The following CSMD1 variants were observed in gnomAD, a reference collection of about 807,000 sequenced individuals.
CSMD1 encodes the protein CUB and Sushi multiple domains 1.
Under a neutral mutation model 417.5 loss-of-function variants are expected in CSMD1, and 213 were observed. The ratio of observed to expected loss-of-function variants is 0.51; its 90% CI spans 0.46 to 0.57. The LOEUF is 0.57. Ranked by LOEUF, CSMD1 falls within the 20% of genes least tolerant of loss-of-function variation. The pLI is 0.00. For missense variants in CSMD1, 6,923 were observed against 4,529.7 expected (o/e 1.53, Z -15.17); for synonymous variants, 2,862 against 1,736.8 (o/e 1.65, Z -16.11).
At chr8:4,082,405 A>C (rs999927114) in intron 3 of CSMD1, among the ~76,000 whole-genome samples, 1 of 152,170 alleles carries the variant, frequency 6.6e-6, no homozygotes, top group Non-Finnish European at 1.5e-5. Context: ...CAACTACAAC[A>C]AAACCCAGTA....
At chr8:4,908,290 T>C (rs1805433170) in intron 1 of CSMD1, among the ~76,000 whole-genome samples, 1 of 152,220 alleles carries the variant, frequency 6.6e-6, no homozygotes, top group Non-Finnish European at 1.5e-5. Flanking sequence ...AGGTTTCCTT[T>C]ATCTCTGGTT....
At chr8:3,370,783 T>C (rs1181270267) in intron 18 of CSMD1, among the ~76,000 whole-genome samples, 1 of 152,198 alleles carries the variant, frequency 6.6e-6, no homozygotes, top group African/African-American at 2.4e-5. Flanking sequence ...CAGACCAGCC[T>C]GGCCAGCATG....
At chr8:3,994,164 T>C (rs993172528) in intron 5 of CSMD1, among the ~76,000 whole-genome samples, 10 of 152,170 alleles carry the variant, frequency 6.6e-5, no homozygotes, top group Non-Finnish European at 5.9e-5. Flanking sequence ...ACATTTTCAA[T>C]GCATTTATTT....
Position 3,603,464 on chromosome 8 carries a change from C to G in CSMD1, c.1097+13246G>C, listed in dbSNP as rs77454730. The stretch of plus-strand genomic sequence containing the variant: ...GACAAACCTGGACTGAGCGCCCAAT[C>G]CCACTTTGTCCTCCTTCACCTTACT... On this transcript the variant is annotated intron_variant, in intron 8 of 69. Transcript: ENST00000635120. Among the ~76,000 whole-genome samples the G allele has an allele frequency of 3.5e-4, 53 of 152,256 alleles. 1 individual carries two copies. The East Asian group carries it at 9.1e-3, about 26-fold the overall frequency.
chr8:4,104,579 GAATT>G (rs1409376967), intron 3 of CSMD1, among the ~76,000 whole-genome samples: 1 of 149,192 alleles, frequency 6.7e-6, no homozygotes, highest in African/African-American at 2.4e-5. Context: ...GTAAATAAAT[GAATT>G]AATAATTGCA....
chr8:3,449,214 T>C (rs767332769), intron 12 of CSMD1, among the ~76,000 whole-genome samples: 54 of 152,340 alleles, frequency 3.5e-4, no homozygotes, highest in Middle Eastern at 6.8e-3. Context: ...CAAAATAGCA[T>C]AAACCTGAAG....
At chr8:4,023,820 T>C (rs555855993) in intron 4 of CSMD1, among the ~76,000 whole-genome samples, 2 of 144,638 alleles carry the variant, frequency 1.4e-5, no homozygotes, top group South Asian at 4.5e-4. Context: ...GGTTTCAGCA[T>C]GTTAGCCAGG....
intron 54 of CSMD1, among the ~76,000 whole-genome samples, chr8:2,996,701 G>A (rs1181111632): frequency 6.6e-6 from 1 of 152,236 alleles, no homozygotes; most frequent in Non-Finnish European, 1.5e-5. Context: ...ATGCTAGAAT[G>A]AGAACACAGC....
At chr8:4,942,718 G>C (rs1431169405) in intron 1 of CSMD1, among the ~76,000 whole-genome samples, 1 of 152,094 alleles carries the variant, frequency 6.6e-6, no homozygotes, top group Non-Finnish European at 1.5e-5. Flanking sequence ...AGAATCAGTG[G>C]AGAATCCAAT....
chr8:4,950,025 C>T (rs1309255259), intron 1 of CSMD1, among the ~76,000 whole-genome samples: 1 of 151,954 alleles, frequency 6.6e-6, no homozygotes, highest in Non-Finnish European at 1.5e-5. Context: ...AAGCAAAACA[C>T]CTTGATGAAT....
intron 1 of CSMD1, among the ~76,000 whole-genome samples, chr8:4,831,320 G>C (rs926868697): frequency 5.9e-5 from 9 of 152,114 alleles, no homozygotes; most frequent in African/African-American, 2.2e-4. Context: ...CTTCTTCCTA[G>C]TGCTTCAGCA....
intron 5 of CSMD1, among the ~76,000 whole-genome samples, chr8:3,878,488 G>T (rs1464982331): frequency 6.6e-6 from 1 of 151,974 alleles, no homozygotes; most frequent in Non-Finnish European, 1.5e-5. Flanking sequence ...TAACTAAGTA[G>T]AACACAAGCT....
intron 3 of CSMD1, among the ~76,000 whole-genome samples, chr8:4,068,210 T>A (rs1799358279): frequency 2.0e-5 from 3 of 152,108 alleles, no homozygotes; most frequent in Admixed American, 2.0e-4. Context: ...AAATCTTCCG[T>A]GCAGTGTTAA....
intron 1 of CSMD1, among the ~76,000 whole-genome samples, chr8:4,700,127 G>A (rs1480371532): frequency 1.3e-5 from 2 of 151,210 alleles, no homozygotes; most frequent in African/African-American, 4.9e-5. Context: ...TGAACTTTTT[G>A]TTTAATTTTT....
chr8:3,000,189 C>T (rs1463925505), intron 52 of CSMD1, 58 bp from the exon 53 acceptor site: 4 of 1,269,788 alleles, frequency 3.2e-6, no homozygotes, highest in African/African-American at 1.5e-5. Flanking sequence ...AAAAGTAGTA[C>T]ATTCACAACT....
intron 3 of CSMD1, among the ~76,000 whole-genome samples, chr8:4,373,077 C>G (rs1802496247): frequency 6.6e-6 from 1 of 152,146 alleles, no homozygotes; most frequent in Non-Finnish European, 1.5e-5. Flanking sequence ...GACAGTTTAC[C>G]TGTGTGGTCT....
chr8:3,356,324 A>C (rs1287953765), intron 21 of CSMD1, among the ~76,000 whole-genome samples: 1 of 152,236 alleles, frequency 6.6e-6, no homozygotes, highest in African/African-American at 2.4e-5. Context: ...CACAGAACTT[A>C]GGGATGAGGC....
intron 2 of CSMD1, among the ~76,000 whole-genome samples, chr8:4,430,964 T>A (rs1797838667): frequency 6.6e-6 from 1 of 152,208 alleles, no homozygotes; most frequent in Non-Finnish European, 1.5e-5. Context: ...TATCAAGATG[T>A]CCTTTCAATC....
intron 4 of CSMD1, among the ~76,000 whole-genome samples, chr8:4,017,743 C>G (rs192643788): frequency 1.8e-4 from 27 of 152,194 alleles, no homozygotes; most frequent in African/African-American, 5.8e-4. Flanking sequence ...GTGCATGGTA[C>G]AAATGCTGAA....
Sources: gnomAD v4.1 joint callset for allele counts (sites outside exome capture counted in the v4.1 genomes callset) on GRCh38, gnomAD v4.1.1 for gene constraint, MANE v1.5 for transcripts, NCBI Gene and HGNC (gene_info 2026-07-23, HGNC 2026-07-21) for gene names.